The following DENND6A variants were observed in gnomAD, a reference collection of about 807,000 sequenced individuals.
The protein encoded by DENND6A is protein DENND6A.
A neutral mutation model predicts 95.5 loss-of-function variants in DENND6A; 43 were observed. That is an observed-to-expected ratio of 0.45 (90% confidence interval 0.35 to 0.58). DENND6A has a LOEUF of 0.58. Ranked by LOEUF, DENND6A falls within the 20% of genes least tolerant of loss-of-function variation. The pLI is 0.00. For missense variants in DENND6A, 574 were observed against 736.0 expected (o/e 0.78, Z 2.55); for synonymous variants, 257 against 260.4 (o/e 0.99, Z 0.13).
chr3:57,672,505 A>G (rs1378267065), intron 1 of DENND6A, 67 bp from the exon 2 acceptor site: 51 of 1,502,664 alleles, frequency 3.4e-5, no homozygotes, highest in Non-Finnish European at 4.7e-5. Context: ...ATTATAGGCC[A>G]GGCACGGTGG....
At chr3:57,636,840 C>T (rs1361818701) in intron 12 of DENND6A, among the ~76,000 whole-genome samples, 1 of 147,760 alleles carries the variant, frequency 6.8e-6, no homozygotes, top group Non-Finnish European at 1.5e-5. Context: ...GGGAGGCTGA[C>T]ACAGGAGAAT....
intron 9 of DENND6A, among the ~76,000 whole-genome samples, chr3:57,653,687 A>G (rs929158165): frequency 6.7e-6 from 1 of 149,734 alleles, no homozygotes; most frequent in Non-Finnish European, 1.5e-5. Context: ...CGGAGGTTGC[A>G]GTGAGCCGAG....
chr3:57,693,019 C>G lies in DENND6A; in HGVS notation c.-1G>C. 5 of 1,459,750 alleles carry G rather than the reference C, an allele frequency of 3.4e-6. 1 individual carries two copies. Among genetic ancestry groups the G allele is most frequent in the South Asian group, 2.7e-5 (2 of 73,368 alleles). The allele number at this position is 1,459,750 out of a possible 1,614,324, so 90.4% of individuals were successfully genotyped here. A position where few individuals can be genotyped will look rare whatever the true frequency, so the allele number is the denominator to read the frequency against. On this transcript the variant is annotated 5_prime_UTR_variant, in exon 1 of 20. Coordinates refer to ENST00000311128, the MANE Select transcript of DENND6A (RefSeq NM_152678.3). The stretch of plus-strand genomic sequence containing the variant: ...AGCCCGCAGGGCCCCTCAAAGCCAT[C>G]GGCCGCCCCCTGACCGTTCGCGCCG...
In DENND6A at chr3:57,627,782, G is replaced by A. The variant is rs114167904; in HGVS notation, c.*432C>T. 2.5e-3 allele frequency: 402 copies of A among 161,828 alleles called. 1 individual carries two copies. Among genetic ancestry groups the A allele is most frequent in the African/African-American group, 9.2e-3 (385 of 41,656 alleles). 10.0% of individuals were successfully genotyped at this position (161,828 alleles called of 1,614,324 possible). On this transcript the variant is annotated 3_prime_UTR_variant, in exon 20 of 20. Coordinates refer to ENST00000311128, the MANE Select transcript of DENND6A (RefSeq NM_152678.3). ...TAAGCATCAATTCCTTCTAACCATA[G>A]GACAGTTCAGTCTTTCTGTTCTTAA...
chr3:57,687,461 A>T (rs897781752), intron 1 of DENND6A, among the ~76,000 whole-genome samples: 4 of 152,254 alleles, frequency 2.6e-5, no homozygotes, highest in Non-Finnish European at 5.9e-5. Flanking sequence ...AAGGTGAAGC[A>T]GCAAGGACTG....
At chr3:57,663,265 G>A (rs1169565527) in intron 5 of DENND6A, among the ~76,000 whole-genome samples, 1 of 149,060 alleles carries the variant, frequency 6.7e-6, no homozygotes, top group Non-Finnish European at 1.5e-5. Flanking sequence ...AAGAGTTCAA[G>A]ACCAGCCTGG....
intron 14 of DENND6A, among the ~76,000 whole-genome samples, chr3:57,633,705 A>G (rs1188638857): frequency 6.6e-6 from 1 of 152,168 alleles, no homozygotes; most frequent in African/African-American, 2.4e-5. Flanking sequence ...CCTGGCCATC[A>G]TGGTGAAACC....
Position 57,626,215 on chromosome 3 carries a change from AT to A in DENND6A, c.*1998del, listed in dbSNP as rs915384545. ...GACTGTATCCATAAGAACAGGGCACATTTGGGTATTAGACCACAGTTACAAA... is the reference window on the plus strand; with the variant it reads ...GACTGTATCCATAAGAACAGGGCACATTGGGTATTAGACCACAGTTACAAA... On this transcript the variant is annotated 3_prime_UTR_variant, in exon 20 of 20. Coordinates refer to ENST00000311128, the MANE Select transcript of DENND6A (RefSeq NM_152678.3). The A allele has an allele frequency of 2.2e-4, 33 of 152,760 alleles. No homozygotes were observed. The highest frequency in any genetic ancestry group is 7.9e-4 in the African/African-American group (33 of 41,574). The allele number at this position is 152,760 out of a possible 1,614,324, so 9.5% of individuals were successfully genotyped here.
intron 1 of DENND6A, among the ~76,000 whole-genome samples, chr3:57,673,646 G>A (rs956068793): frequency 7.2e-5 from 11 of 152,248 alleles, no homozygotes; most frequent in African/African-American, 2.6e-4. Flanking sequence ...AACTCTATTT[G>A]ATCATTATAC....
intron 18 of DENND6A, 105 bp downstream of exon 18, chr3:57,630,315 TA>T: frequency 1.0e-6 from 1 of 1,002,222 alleles, no homozygotes; most frequent in Non-Finnish European, 1.4e-6. Context: ...TAGTCATCAT[TA>T]CTATTTATAA....
intron 1 of DENND6A, among the ~76,000 whole-genome samples, chr3:57,686,670 A>G (rs1301862386): frequency 6.6e-6 from 1 of 152,194 alleles, no homozygotes; most frequent in South Asian, 2.1e-4. Flanking sequence ...TGATGTTACT[A>G]TTGTAATTGT....
intron 8 of DENND6A, among the ~76,000 whole-genome samples, chr3:57,658,491 G>A (rs1268114603): frequency 1.3e-5 from 2 of 152,152 alleles, no homozygotes; most frequent in African/African-American, 2.4e-5. Context: ...TTGTGCCACC[G>A]TACTCCAGCC....
intron 7 of DENND6A, 34 bp from the exon 8 acceptor site, chr3:57,659,214 A>G: frequency 1.2e-6 from 2 of 1,608,844 alleles, no homozygotes. Flanking sequence ...TTTTGGTTAT[A>G]AAAGAATGGA....
intron 11 of DENND6A, among the ~76,000 whole-genome samples, chr3:57,642,313 C>CAAAA (rs10681174): frequency 1.6e-4 from 11 of 67,502 alleles, no homozygotes; most frequent in African/African-American, 5.2e-4. Flanking sequence ...GACTCTGTCT[C>CAAAA]AAAAAAAAAA....
At chr3:57,690,353 A>C (rs2077251424) in intron 1 of DENND6A, among the ~76,000 whole-genome samples, 1 of 151,976 alleles carries the variant, frequency 6.6e-6, no homozygotes, top group African/African-American at 2.4e-5. Flanking sequence ...AAAATACAAA[A>C]AATTAGCCGG....
At chr3:57,645,790 C>T (rs1459798071) in intron 10 of DENND6A, 34 bp from the exon 11 acceptor site, 1 of 1,520,860 alleles carries the variant, frequency 6.6e-7, no homozygotes, top group South Asian at 1.1e-5. Flanking sequence ...AAATAAAGGA[C>T]ACAGAAATTA....
chr3:57,637,582 G>A (rs1393092885), intron 12 of DENND6A, among the ~76,000 whole-genome samples: 3 of 151,674 alleles, frequency 2.0e-5, no homozygotes, highest in African/African-American at 7.3e-5. Context: ...TTCAAAGCCA[G>A]AATCCTGAGC....
intron 7 of DENND6A, among the ~76,000 whole-genome samples, chr3:57,659,885 A>G (rs1303579580): frequency 6.6e-6 from 1 of 152,188 alleles, no homozygotes; most frequent in Non-Finnish European, 1.5e-5. Flanking sequence ...ACTCAATTCT[A>G]CCAAGTAATC....
rs1491435772 is a variant in DENND6A, at chr3:57,649,641, A to AT, written c.819-3204_819-3203insA. Among the ~76,000 whole-genome samples, 492 of 102,612 alleles carry AT rather than the reference A, an allele frequency of 4.8e-3. 3 individuals are homozygous for AT. Among genetic ancestry groups the AT allele is most frequent in the African/African-American group, 0.013 (404 of 30,552 alleles). 67.3% of individuals were successfully genotyped at this position (102,612 alleles called of 152,430 possible). On this transcript the variant is annotated intron_variant, in intron 9 of 19. Coordinates refer to ENST00000311128, the MANE Select transcript of DENND6A (RefSeq NM_152678.3). ...ATCAATCAATGAGTGAAAAAAAAAA[A>AT]ATATATATATATATAGTTGTATGTG...
Sources: allele counts gnomAD v4.1 joint callset (sites outside exome capture counted in the v4.1 genomes callset), GRCh38; gene constraint gnomAD v4.1.1; transcripts MANE v1.5; gene names NCBI Gene and HGNC (gene_info 2026-07-23, HGNC 2026-07-21).